SLC35E4: variants seen among roughly 807,000 people sequenced by gnomAD.
The protein encoded by SLC35E4 is solute carrier family 35, member E4.
Under a neutral mutation model 19.3 loss-of-function variants are expected in SLC35E4, and 15 were observed. That is an observed-to-expected ratio of 0.78 (90% CI 0.52 to 1.20). The LOEUF (loss-of-function observed/expected upper bound fraction) is 1.20, where lower values mean the gene tolerates loss of function less well. Among genes scored for constraint, SLC35E4 ranks in the 50% most tolerant of loss-of-function variants. SLC35E4 has a pLI of 0.00. For missense variants in SLC35E4, 406 were observed against 472.3 expected, an observed-to-expected ratio of 0.86 and a Z score of 1.30; for synonymous variants, 219 against 219.9, an observed-to-expected ratio of 1.00 and a Z score of 0.04.
downstream of SLC35E4, among the ~76,000 whole-genome samples, chr22:30,665,296 C>T (rs67153574): frequency 0.17 from 25,492 of 152,218 alleles, 5,495 homozygotes; most frequent in African/African-American, 0.51. Context: ...TAAGATGGAG[C>T]CACTTAGTTT....
chr22:30,642,412 G>C lies in SLC35E4; in HGVS notation c.620-4186G>C, dbSNP rs183900077. On this transcript the variant is annotated intron_variant, in intron 1 of 1. Transcript: ENST00000343605. ...CGTGGCTGATGCCAGCTCCATTCCT[G>C]AGAGCAGAGTTTGTGGGAGCAGAGG... 1.8e-3 allele frequency among the ~76,000 whole-genome samples: 271 copies of C among 152,232 alleles called. 4 individuals are homozygous for C. Among genetic ancestry groups the C allele is most frequent in the Admixed American group, 0.018 (270 of 15,284 alleles).
chr22:30,646,312 G>A (rs866279259), intron 1 of SLC35E4, among the ~76,000 whole-genome samples: 13 of 152,220 alleles, frequency 8.5e-5, no homozygotes, highest in Middle Eastern at 6.8e-3. Flanking sequence ...ACAACAACCC[G>A]TGATTAGGTT....
chr22:30,637,000 A>C lies in SLC35E4; in HGVS notation c.550A>C (p.Thr184Pro), dbSNP rs1225930292. The change falls in exon 1 of 2, where the codon ACA becomes CCA. Residue 184 changes from threonine to proline, a missense_variant. By Grantham distance (38) the Thr-to-Pro change is conservative. Coordinates refer to ENST00000343605, the MANE Select transcript of SLC35E4 (RefSeq NM_001001479.4). ...AACSLAGEFRTPPTGCGFLLA... is the reference protein window; with the variant it reads ...AACSLAGEFRPPPTGCGFLLA... ...CTGCAGCCTGGCTGGAGAGTTCCGG[A>C]CACCCCCTACCGGCTGTGGCTTCCT... is the stretch of plus-strand genomic sequence containing the variant. The C allele has an allele frequency of 3.1e-6, 5 of 1,609,050 alleles. No individual in the cohort carries two copies. The highest frequency in any genetic ancestry group is 3.3e-5 in the Admixed American group (2 of 59,814).
In SLC35E4 at chr22:30,636,427, C is replaced by A; in HGVS notation, c.-24C>A. The A allele has an allele frequency of 6.9e-7, 1 of 1,454,200 alleles. No individual in the cohort carries two copies. The highest frequency in any genetic ancestry group is 9.1e-7 in the Non-Finnish European group (1 of 1,099,332). 90.1% of individuals were successfully genotyped at this position (1,454,200 alleles called of 1,614,324 possible). ...GAGGTCGTCACTGGGGAGCCCGCCT[C>A]CTGCCCTAGCCTCACTGGTGCGGAT... On this transcript the variant is annotated 5_prime_UTR_variant, in exon 1 of 2. Coordinates refer to ENST00000343605, the MANE Select transcript of SLC35E4 (RefSeq NM_001001479.4).
At chr22:30,642,905 C>T (rs60387370) in intron 1 of SLC35E4, among the ~76,000 whole-genome samples, 18,235 of 151,566 alleles carry the variant, frequency 0.12, 2,408 homozygotes, top group African/African-American at 0.33. Flanking sequence ...TGGTGGGCAC[C>T]TGTAGTCCCA....
rs778701121 is a variant in SLC35E4 at position 30,647,028 on chromosome 22, T to C, written c.1050T>C (p.Leu350=). 6.9e-6 allele frequency: 11 copies of C among 1,594,774 alleles called. No individual in the cohort carries two copies. The South Asian group carries it at 1.2e-4, about 18-fold the overall frequency. The stretch of plus-strand genomic sequence containing the variant: ...GGAGGGACCAGCCCAGCAAGGGTCT[T>C]TGAGACCTGGGGGATCTCAGGAGCC... The part of the protein sequence containing the change: ...LWRRDQPSKG[L] Residue 350 remains leucine (L), a synonymous_variant, in exon 2 of 2, where the codon CTT becomes CTC. Coordinates refer to ENST00000343605, the MANE Select transcript of SLC35E4 (RefSeq NM_001001479.4).
intron 1 of SLC35E4, among the ~76,000 whole-genome samples, chr22:30,639,211 C>T (rs146574195): frequency 3.3e-5 from 5 of 152,016 alleles, no homozygotes; most frequent in Non-Finnish European, 7.4e-5. Context: ...CGGCAGGTTC[C>T]GTGATGCCCC....
At chr22:30,663,872 G>A, downstream of SLC35E4, 1 of 1,614,212 alleles carries the variant, frequency 6.2e-7, no homozygotes, top group East Asian at 2.2e-5. Flanking sequence ...TGGTGATCTG[G>A]TTGCTAGACA....
exon 3 of SLC35E4, chr22:30,663,272 T>G: frequency 1.4e-6 from 1 of 703,050 alleles, no homozygotes; most frequent in Non-Finnish European, 2.3e-6. Context: ...TTAAAAAAAA[T>G]GGATTATAAA....
intron 1 of SLC35E4, among the ~76,000 whole-genome samples, chr22:30,641,501 C>A (rs1418795027): frequency 6.6e-6 from 1 of 152,068 alleles, no homozygotes; most frequent in Non-Finnish European, 1.5e-5. Flanking sequence ...AGCCCTGGGG[C>A]CTTGCAGAGG....
chr22:30,657,615 A>T (rs1052685175), intron 2 of SLC35E4, among the ~76,000 whole-genome samples: 2 of 151,842 alleles, frequency 1.3e-5, no homozygotes, highest in Non-Finnish European at 2.9e-5. Flanking sequence ...TTAAAGATTT[A>T]AAAAATAGGC....
In SLC35E4 at chr22:30,647,151, AC is replaced by A. The variant is rs899792161; in HGVS notation, c.*121del. The A allele has an allele frequency of 1.0e-5, 13 of 1,246,058 alleles. No individual in the cohort carries two copies. Among genetic ancestry groups the A allele is most frequent in the Non-Finnish European group, 1.2e-5 (11 of 925,876 alleles). The allele number at this position is 1,246,058 out of a possible 1,614,324, so 77.2% of individuals were successfully genotyped here. ...GGTGGCTCACGCCTATAATCCCAGC[AC>A]TTCCAGAGTCCGAGGTGGGTGGATC... On this transcript the variant is annotated 3_prime_UTR_variant, in exon 2 of 2. Transcript: ENST00000343605.
At chr22:30,651,052 CCTT>C (rs1006064429), downstream of SLC35E4, among the ~76,000 whole-genome samples, 8 of 151,706 alleles carry the variant, frequency 5.3e-5, no homozygotes, top group Non-Finnish European at 1.2e-4. Context: ...AGGAGTAGCT[CCTT>C]CATGCTACTC....
At chr22:30,656,884 GAGGA>G (rs1005913208) in intron 2 of SLC35E4, among the ~76,000 whole-genome samples, 3 of 152,180 alleles carry the variant, frequency 2.0e-5, no homozygotes, top group African/African-American at 7.2e-5. Flanking sequence ...GGAGGCTGAG[GAGGA>G]AGGATCACTT....
chr22:30,638,616 A>T (rs1351673957), intron 1 of SLC35E4, among the ~76,000 whole-genome samples: 1 of 151,696 alleles, frequency 6.6e-6, no homozygotes, highest in African/African-American at 2.4e-5. Flanking sequence ...GTTCGAGACC[A>T]GCCTGGCCAA....
In SLC35E4 at chr22:30,636,530, C is replaced by A; in HGVS notation, c.80C>A (p.Ala27Glu). The A allele has an allele frequency of 1.3e-6, 2 of 1,553,526 alleles. No homozygotes were observed. Among genetic ancestry groups the A allele is most frequent in the Non-Finnish European group, 1.7e-6 (2 of 1,148,138 alleles). Residue 27 changes from alanine (A) to glutamate (E), a missense_variant, in exon 1 of 2, where the codon GCG becomes GAG. Physicochemically the swap from Ala to Glu is moderately radical, Grantham distance 107. Transcript: ENST00000343605. ...GGAGCAGCAGCTGGTGGTGCTCAGGCGGCTGGGCCCCCCGAGTGGCCCCCT... is the reference window on the plus strand; with the variant it reads ...GGAGCAGCAGCTGGTGGTGCTCAGGAGGCTGGGCCCCCCGAGTGGCCCCCT... ...EVGAAAGGAQ[A>E]AGPPEWPPGS...
At chr22:30,650,963 C>T (rs184674839), downstream of SLC35E4, among the ~76,000 whole-genome samples, 89 of 151,504 alleles carry the variant, frequency 5.9e-4, no homozygotes, top group Middle Eastern at 6.8e-3. Context: ...CTACCCTCCC[C>T]TGGTGGCCCT....
At chr22:30,640,822 C>T (rs1254015674) in intron 1 of SLC35E4, among the ~76,000 whole-genome samples, 4 of 152,266 alleles carry the variant, frequency 2.6e-5, no homozygotes, top group Admixed American at 6.5e-5. Context: ...GCTCTCCCTT[C>T]GCCCTGAGAT....
intron 2 of SLC35E4, chr22:30,654,622 C>T (rs760084126): frequency 8.7e-6 from 4 of 461,910 alleles, no homozygotes; most frequent in South Asian, 3.3e-5. Flanking sequence ...GTAGGTGCCT[C>T]GGGAAGGGTT....
Sources: allele counts gnomAD v4.1 joint callset (sites outside exome capture counted in the v4.1 genomes callset), GRCh38; gene constraint gnomAD v4.1.1; transcripts MANE v1.5; gene names NCBI Gene and HGNC (gene_info 2026-07-23, HGNC 2026-07-21).